The following ZDHHC14 variants were observed in gnomAD, a reference collection of about 807,000 sequenced individuals.
ZDHHC14 encodes palmitoyltransferase ZDHHC14.
A neutral mutation model predicts 47.7 loss-of-function variants in ZDHHC14; 16 were observed. The observed-to-expected ratio is 0.34, with a 90% confidence interval of 0.23 to 0.51. The LOEUF is 0.51. Ranked by LOEUF, ZDHHC14 falls within the 20% of genes least tolerant of loss-of-function variation. The pLI, the probability that ZDHHC14 is intolerant of heterozygous loss-of-function variation, is 0.97. For missense variants in ZDHHC14, 515 were observed against 662.5 expected, an observed-to-expected ratio of 0.78 and a Z score of 2.44; for synonymous variants, 293 against 278.9, an observed-to-expected ratio of 1.05 and a Z score of -0.50.
chr6:157,434,040 C>CT (rs1211452418), intron 1 of ZDHHC14, among the ~76,000 whole-genome samples: 2 of 152,066 alleles, frequency 1.3e-5, no homozygotes, highest in African/African-American at 4.8e-5. Flanking sequence ...GAGGCAATGG[C>CT]TCAGTACATG....
At chr6:157,383,627 A>G (rs1213957191) in intron 1 of ZDHHC14, among the ~76,000 whole-genome samples, 1 of 152,246 alleles carries the variant, frequency 6.6e-6, no homozygotes, top group Non-Finnish European at 1.5e-5. Flanking sequence ...GAGTTAGACC[A>G]GGCGATGAGA....
At chr6:157,387,125 T>C (rs933861750) in intron 1 of ZDHHC14, among the ~76,000 whole-genome samples, 39 of 152,192 alleles carry the variant, frequency 2.6e-4, no homozygotes, top group Non-Finnish European at 4.9e-4. Flanking sequence ...CATTCTCAAA[T>C]TTCTCATCAC....
chr6:157,457,021 A>AAATG (rs1235644962), intron 1 of ZDHHC14, among the ~76,000 whole-genome samples: 1 of 151,572 alleles, frequency 6.6e-6, no homozygotes, highest in Non-Finnish European at 1.5e-5. Context: ...ATAAATAAAT[A>AAATG]AATATTAGCC....
At chr6:157,572,039 C>T (rs1305269359) in intron 2 of ZDHHC14, among the ~76,000 whole-genome samples, 2 of 151,934 alleles carry the variant, frequency 1.3e-5, no homozygotes, top group Middle Eastern at 3.2e-3. Context: ...TGGGAGGAGA[C>T]GCTGAGATGA....
At chr6:157,620,289 G>A (rs1785136395) in intron 3 of ZDHHC14, among the ~76,000 whole-genome samples, 2 of 152,230 alleles carry the variant, frequency 1.3e-5, no homozygotes, top group African/African-American at 4.8e-5. Flanking sequence ...TGCTGGCTCA[G>A]GTCTCCCTTC....
At chr6:157,581,436 T>C (rs565098680) in intron 2 of ZDHHC14, among the ~76,000 whole-genome samples, 1 of 152,244 alleles carries the variant, frequency 6.6e-6, no homozygotes, top group Non-Finnish European at 1.5e-5. Flanking sequence ...TTGTGCTAGG[T>C]CCATTTGGTC....
chr6:157,401,435 G>A (rs1366758974), intron 1 of ZDHHC14, among the ~76,000 whole-genome samples: 1 of 152,222 alleles, frequency 6.6e-6, no homozygotes, highest in Admixed American at 6.5e-5. Context: ...TTTTATAGAC[G>A]AAGAAACTGA....
In ZDHHC14 at chr6:157,586,496, A is replaced by G. The variant is rs1467709081; in HGVS notation, c.407-6492A>G. ...TCCATGGAAGATCGTGCAAGGAGAG[A>G]GAAGGTTCATGGATTGTGTGCTGTA... is the stretch of plus-strand genomic sequence containing the variant. On this transcript the variant is annotated intron_variant, in intron 2 of 8. Transcript: ENST00000359775. The surrounding 1 kb of genome is among the most constrained non-coding windows in gnomAD (Gnocchi z 4.6). Among the ~76,000 whole-genome samples, 2 of 152,148 alleles carry G rather than the reference A, an allele frequency of 1.3e-5. No individual in the cohort carries two copies. Among genetic ancestry groups the G allele is most frequent in the Non-Finnish European group, 2.9e-5 (2 of 68,022 alleles).
chr6:157,670,082 C>T (rs189148187), intron 8 of ZDHHC14, among the ~76,000 whole-genome samples: 1 of 152,332 alleles, frequency 6.6e-6, no homozygotes, highest in Non-Finnish European at 1.5e-5. Context: ...AGAGCGCCCG[C>T]AGCCTACACA....
intron 1 of ZDHHC14, among the ~76,000 whole-genome samples, chr6:157,518,245 T>C (rs1583742849): frequency 6.6e-6 from 1 of 152,112 alleles, no homozygotes; most frequent in African/African-American, 2.4e-5. Flanking sequence ...TGCTAGATCT[T>C]CCTCAAGCCA....
chr6:157,637,046 A>G (rs1172605923), intron 5 of ZDHHC14, among the ~76,000 whole-genome samples: 6 of 152,216 alleles, frequency 3.9e-5, no homozygotes, highest in Non-Finnish European at 1.5e-5. Context: ...GTGTTCCGGA[A>G]GAGTAAGCAT....
At chr6:157,426,937 G>A (rs1160129639) in intron 1 of ZDHHC14, among the ~76,000 whole-genome samples, 2 of 152,228 alleles carry the variant, frequency 1.3e-5, no homozygotes, top group African/African-American at 4.8e-5. Context: ...GGAAGTGGGC[G>A]CATCCATTGC....
chr6:157,469,527 T>C (rs1011403913), intron 1 of ZDHHC14, among the ~76,000 whole-genome samples: 6 of 152,194 alleles, frequency 3.9e-5, no homozygotes, highest in African/African-American at 1.2e-4. Flanking sequence ...AACTCCAAAA[T>C]CTTAGTGACT....
intron 2 of ZDHHC14, among the ~76,000 whole-genome samples, chr6:157,548,714 G>C (rs866523489): frequency 1.4e-5 from 2 of 139,816 alleles, no homozygotes; most frequent in African/African-American, 6.7e-5. Flanking sequence ...CCAAAGTGCT[G>C]GGATTACAGG....
At chr6:157,461,088 CT>C (rs1779072068) in intron 1 of ZDHHC14, among the ~76,000 whole-genome samples, 1 of 152,238 alleles carries the variant, frequency 6.6e-6, no homozygotes, top group South Asian at 2.1e-4. Flanking sequence ...AGCGGGGCCT[CT>C]GATGTCATTG....
chr6:157,658,109 G>A (rs1778182790), intron 8 of ZDHHC14, among the ~76,000 whole-genome samples: 2 of 152,132 alleles, frequency 1.3e-5, no homozygotes, highest in African/African-American at 4.8e-5. Flanking sequence ...AGACCCATGA[G>A]TGGCAAGATG....
chr6:157,450,035 C>T (rs1778767899), intron 1 of ZDHHC14, among the ~76,000 whole-genome samples: 1 of 152,104 alleles, frequency 6.6e-6, no homozygotes, highest in African/African-American at 2.4e-5. Flanking sequence ...ACATAACGCA[C>T]TTAGCAGTGT....
chr6:157,395,519 G>A (rs956008719), intron 1 of ZDHHC14, among the ~76,000 whole-genome samples: 2 of 151,934 alleles, frequency 1.3e-5, no homozygotes, highest in African/African-American at 4.8e-5. Context: ...AGTTCCGCCG[G>A]GCGCGGTGGC....
chr6:157,483,377 C>T (rs770063349), intron 1 of ZDHHC14, among the ~76,000 whole-genome samples: 3 of 152,220 alleles, frequency 2.0e-5, no homozygotes, highest in Non-Finnish European at 4.4e-5. Flanking sequence ...TGCACAGTGT[C>T]TGACTAGGAG....
Sources: allele counts gnomAD v4.1 joint callset (sites outside exome capture counted in the v4.1 genomes callset), GRCh38; gene constraint gnomAD v4.1.1; non-coding constraint Gnocchi (gnomAD v3.1); transcripts MANE v1.5; gene names NCBI Gene and HGNC (gene_info 2026-07-23, HGNC 2026-07-21).